ITGA7: variants seen among roughly 807,000 people sequenced by gnomAD.
ITGA7 encodes integrin alpha-7.
ITGA7 carries 84 observed loss-of-function variants against 131.6 expected under a neutral mutation model. That is an observed-to-expected ratio of 0.64 (90% CI 0.54 to 0.77). The LOEUF (loss-of-function observed/expected upper bound fraction) is 0.77, where lower values mean the gene tolerates loss of function less well. Ranked by LOEUF, ITGA7 falls within the 30% of genes least tolerant of loss-of-function variation. ITGA7 has a pLI of 0.00. For missense variants in ITGA7, 1,399 were observed against 1,482.9 expected, an observed-to-expected ratio of 0.94 and a Z score of 0.93; for synonymous variants, 548 against 600.7, an observed-to-expected ratio of 0.91 and a Z score of 1.28.
chr12:55,685,405 A>G, intron 24 of ITGA7, 117 bp from the exon 25 acceptor site: 1 of 908,864 alleles, frequency 1.1e-6, no homozygotes, highest in Non-Finnish European at 1.8e-6. Flanking sequence ...GAAAGGAAAT[A>G]GGCTGAATAG....
upstream of ITGA7, among the ~76,000 whole-genome samples, chr12:55,713,835 A>T (rs2136125096): frequency 6.6e-6 from 1 of 152,310 alleles, no homozygotes; most frequent in South Asian, 2.1e-4. Context: ...GCTATTCTGC[A>T]AATAGTTGAA....
At chr12:55,697,327 G>A (rs998622719) in intron 10 of ITGA7, 50 bp from the exon 11 acceptor site, 1 of 1,579,246 alleles carries the variant, frequency 6.3e-7, no homozygotes, top group Non-Finnish European at 8.6e-7. Flanking sequence ...ATGGGCCAAG[G>A]CCCCTACCCC....
At chr12:55,699,062 A>G in intron 5 of ITGA7, 145 bp from the exon 6 acceptor site, 2 of 725,302 alleles carry the variant, frequency 2.8e-6, no homozygotes, top group Non-Finnish European at 4.7e-6. Flanking sequence ...CCCCTAGGTT[A>G]AGAGCCAAAA....
chr12:55,687,890 G>C, intron 24 of ITGA7, 81 bp downstream of exon 24: 1 of 1,582,268 alleles, frequency 6.3e-7, no homozygotes, highest in Non-Finnish European at 8.7e-7. Flanking sequence ...GAGTGTGTGG[G>C]TGGGTGACAG....
chr12:55,692,711 C>T lies in ITGA7; in HGVS notation c.2844+133G>A, dbSNP rs1049557484. The T allele has an allele frequency of 8.4e-6, 10 of 1,186,638 alleles. No homozygotes were observed. In the East Asian group the frequency reaches 2.3e-4, roughly 27 times the overall value. The allele number at this position is 1,186,638 out of a possible 1,614,324, so 73.5% of individuals were successfully genotyped here. ...GCAGTGTCAGTAGCTGCCTCCCGGG[C>T]ACCCCCTCCTATGAATTGTGATGGG... On this transcript the variant is annotated intron_variant, in intron 21 of 24. Coordinates refer to ENST00000257879, the MANE Select transcript of ITGA7 (RefSeq NM_002206.3).
chr12:55,701,212 C>T, intron 3 of ITGA7, 58 bp from the exon 4 acceptor site: 1 of 1,611,996 alleles, frequency 6.2e-7, no homozygotes, highest in Non-Finnish European at 8.5e-7. Context: ...CTGCTTGAGG[C>T]ATGCTGCCCA....
At chr12:55,688,799 T>G (rs760831362) in intron 22 of ITGA7, 45 bp downstream of exon 22, 1 of 1,425,854 alleles carries the variant, frequency 7.0e-7, no homozygotes, top group East Asian at 2.3e-5. Flanking sequence ...TGGAGGGGCT[T>G]TGGAGGAAGA....
upstream of ITGA7, chr12:55,712,040 G>A (rs2136121487): frequency 1.3e-6 from 2 of 1,539,294 alleles, no homozygotes; most frequent in Non-Finnish European, 1.8e-6. Flanking sequence ...TGCACACCAT[G>A]AGAACTTTTT....
upstream of ITGA7, among the ~76,000 whole-genome samples, chr12:55,708,239 A>G (rs566505975): frequency 2.2e-4 from 33 of 152,314 alleles, no homozygotes; most frequent in African/African-American, 7.7e-4. Context: ...AGAGATGAGA[A>G]GTTGGGAAGA....
chr12:55,714,791 T>C (rs779452731), upstream of ITGA7, among the ~76,000 whole-genome samples: 3 of 151,008 alleles, frequency 2.0e-5, no homozygotes, highest in Non-Finnish European at 2.9e-5. Flanking sequence ...CATACATATA[T>C]ACATACATAT....
chr12:55,698,080 A>T, intron 7 of ITGA7, 54 bp from the exon 8 acceptor site: 1 of 1,527,964 alleles, frequency 6.5e-7, no homozygotes, highest in South Asian at 1.1e-5. Flanking sequence ...TGCAGACAAG[A>T]TCCAGGCCTC....
chr12:55,713,062 G>A (rs1876250852), upstream of ITGA7, among the ~76,000 whole-genome samples: 1 of 150,186 alleles, frequency 6.7e-6, no homozygotes. Flanking sequence ...CTCACCCTCT[G>A]TTTCACTTAT....
chr12:55,697,678 G>C lies in ITGA7; in HGVS notation c.1409+17C>G. On this transcript the variant is annotated intron_variant, in intron 9 of 24. Transcript: ENST00000257879. Reference sequence around the variant, plus strand: ...GGCTGACGGCCTCAGGGAGGGAAAAGGTTGAGAGGGGCTCACCTGAAGAGC... The same window carrying C: ...GGCTGACGGCCTCAGGGAGGGAAAACGTTGAGAGGGGCTCACCTGAAGAGC... 6.2e-7 allele frequency: 1 copy of C among 1,614,158 alleles called. No individual in the cohort carries two copies.
Position 55,707,820 on chromosome 12 carries a change from G to GCCCCAC in ITGA7, c.-139_-138insGTGGGG. 6.9e-7 allele frequency: 1 copy of GCCCCAC among 1,455,778 alleles called. No individual in the cohort carries two copies. Among genetic ancestry groups the GCCCCAC allele is most frequent in the Non-Finnish European group, 9.1e-7 (1 of 1,102,490 alleles). 90.2% of individuals were successfully genotyped at this position (1,455,778 alleles called of 1,614,324 possible). On this transcript the variant is annotated 5_prime_UTR_variant, in exon 1 of 25. Coordinates refer to ENST00000257879, the MANE Select transcript of ITGA7 (RefSeq NM_002206.3). The stretch of plus-strand genomic sequence containing the variant: ...CGTCTCCCAGACGTTCGCCCCGCCA[G>GCCCCAC]CCCTCCCGCCCGCCCGCCGCTCCGC...
chr12:55,697,355 C>T (rs1012922445), intron 10 of ITGA7, 78 bp from the exon 11 acceptor site: 13 of 1,573,964 alleles, frequency 8.3e-6, no homozygotes, highest in Admixed American at 1.8e-5. Context: ...TCTGTCACAT[C>T]CTGTCACAGC....
chr12:55,702,665 T>C (rs368462836), intron 3 of ITGA7, among the ~76,000 whole-genome samples: 8 of 152,260 alleles, frequency 5.3e-5, no homozygotes, highest in Admixed American at 4.6e-4. Flanking sequence ...GTTTGACAAA[T>C]GGATGGATGA....
intron 22 of ITGA7, 36 bp downstream of exon 22, chr12:55,688,808 G>A: frequency 6.7e-7 from 1 of 1,499,482 alleles, no homozygotes; most frequent in Non-Finnish European, 9.3e-7. Context: ...TTTGGAGGAA[G>A]AAGAAACACA....
At position 55,685,054 on chromosome 12, in the gene ITGA7, G is replaced by C. The variant is rs748836544; in HGVS notation, c.*4C>G. ...AGCCACAGGCCAGGCTGGGACATGG[G>C]AACCTAGGCGGTGCCTGGCCCTGGA... is the stretch of plus-strand genomic sequence containing the variant. On this transcript the variant is annotated 3_prime_UTR_variant, in exon 25 of 25. Transcript: ENST00000257879. 4 of 1,572,882 alleles carry C rather than the reference G, an allele frequency of 2.5e-6. No individual in the cohort carries two copies. The East Asian group carries it at 9.0e-5, about 35-fold the overall frequency.
Position 55,696,338 on chromosome 12 carries a change from A to G in ITGA7, c.1832T>C (p.Leu611Pro), listed in dbSNP as rs1415355484. The G allele has an allele frequency of 1.0e-5, 16 of 1,584,754 alleles. No homozygotes were observed. Among genetic ancestry groups the G allele is most frequent in the Non-Finnish European group, 1.4e-5 (16 of 1,164,392 alleles). Residue 611 changes from leucine to proline, a missense_variant, in exon 13 of 25, where the codon CTG becomes CCG. Transcript: ENST00000257879. ...RLRRQAPGQG[L>P]PPVAPILNAH... is the part of the protein sequence containing the mutation. ...ATTGAGGATGGGGGCCACTGGAGGC[A>G]GCCCCTGGCCAGGAGCCTGTCGCCG...
Sources: allele counts gnomAD v4.1 joint callset (sites outside exome capture counted in the v4.1 genomes callset), GRCh38; gene constraint gnomAD v4.1.1; transcripts MANE v1.5; gene names NCBI Gene and HGNC (gene_info 2026-07-23, HGNC 2026-07-21).